Variants in NRXN2 observed in about 807,000 individuals in gnomAD.
NRXN2 encodes neurexin-2-beta.
In NRXN2, 29 loss-of-function variants were observed where a neutral mutation model predicts 128.8. The observed-to-expected ratio is 0.23, with a 90% confidence interval of 0.17 to 0.31. The LOEUF (loss-of-function observed/expected upper bound fraction) is 0.31. Among genes scored for constraint, NRXN2 ranks in the 10% least tolerant of loss-of-function variants. The pLI, the probability that NRXN2 is intolerant of heterozygous loss-of-function variation, is 1.00. For missense variants in NRXN2, 1,881 were observed against 2,452.6 expected, an observed-to-expected ratio of 0.77 and a Z score of 4.92; for synonymous variants, 1,098 against 1,075.2, an observed-to-expected ratio of 1.02 and a Z score of -0.41.
intron 22 of NRXN2, among the ~76,000 whole-genome samples, chr11:64,614,981 G>T (rs1163818240): frequency 6.6e-6 from 1 of 152,226 alleles, no homozygotes; most frequent in African/African-American, 2.4e-5. Flanking sequence ...ACGGATCCTT[G>T]ATGACCACAG....
chr11:64,647,592 G>A (rs1321959586), intron 17 of NRXN2, among the ~76,000 whole-genome samples: 1 of 152,172 alleles, frequency 6.6e-6, no homozygotes, highest in African/African-American at 2.4e-5. Context: ...AGAACCAAGC[G>A]AAGACAGTAG....
intron 17 of NRXN2, among the ~76,000 whole-genome samples, chr11:64,638,128 G>C (rs543755686): frequency 6.6e-6 from 1 of 152,166 alleles, no homozygotes; most frequent in South Asian, 2.1e-4. Context: ...GCGTGGGACA[G>C]GGCGCACGCG....
In NRXN2 at chr11:64,688,343, A is replaced by G. The variant is rs2053353397; in HGVS notation, c.850+2062T>C. On this transcript the variant is annotated intron_variant, in intron 5 of 22. Transcript: ENST00000265459. ...ACGCCAAGAGGCCTGAGGAGCAGCC[A>G]AAGAGAACCTGAAAGCCTTCGAGAA... 4.1e-6 allele frequency: 4 copies of G among 985,328 alleles called. No homozygotes were observed. The South Asian group carries it at 1.4e-4, about 35-fold the overall frequency. The allele number at this position is 985,328 out of a possible 1,614,324, so 61.0% of individuals were successfully genotyped here. A position where few individuals can be genotyped will look rare whatever the true frequency, so the allele number is the denominator to read the frequency against.
chr11:64,713,779 G>C lies in NRXN2; in HGVS notation c.-80C>G. The C allele has an allele frequency of 1.2e-6, 1 of 820,580 alleles. No homozygotes were observed. The allele number at this position is 820,580 out of a possible 1,614,324, so 50.8% of individuals were successfully genotyped here. A position where few individuals can be genotyped will look rare whatever the true frequency, so the allele number is the denominator to read the frequency against. Reference sequence around the variant, plus strand: ...CCGCGGGCGCATGGGGCGGGAGGGGGCCGGGCGCTCCCCGCGCTGAGCGGG... The same window carrying C: ...CCGCGGGCGCATGGGGCGGGAGGGGCCCGGGCGCTCCCCGCGCTGAGCGGG... On this transcript the variant is annotated 5_prime_UTR_variant, in exon 2 of 23. Coordinates refer to ENST00000265459, the MANE Select transcript of NRXN2 (RefSeq NM_015080.4).
Position 64,607,893 on chromosome 11 carries a change from C to T in NRXN2, c.4442G>A (p.Arg1481Gln), listed in dbSNP as rs573528266. ...PPSGGPCQAE[R>Q]DDSDCEEPIE... ...GGGCTCCTCGCAGTCGCTGTCGTCCCGCTCGGCCTGGCACGGGCCCCCAGA... is the reference window on the plus strand; with the variant it reads ...GGGCTCCTCGCAGTCGCTGTCGTCCTGCTCGGCCTGGCACGGGCCCCCAGA... Residue 1481 changes from arginine (R) to glutamine (Q), a missense_variant, in exon 23 of 23, where the codon CGG becomes CAG. Arg to Gln is a conservative substitution (Grantham distance 43, BLOSUM62 1). Around this residue, in one of 7 missense-constraint regions of NRXN2, gnomAD observed 310 missense variants for 318.2 expected, o/e 0.97. Transcript: ENST00000265459. The T allele has an allele frequency of 6.4e-6, 10 of 1,573,982 alleles. No homozygotes were observed. Among genetic ancestry groups the T allele is most frequent in the South Asian group, 3.5e-5 (3 of 86,166 alleles).
intron 11 of NRXN2, among the ~76,000 whole-genome samples, chr11:64,655,607 A>G (rs1264571100): frequency 2.0e-5 from 3 of 152,196 alleles, no homozygotes; most frequent in Non-Finnish European, 4.4e-5. Context: ...AAAAGACCCA[A>G]AGAAGGAGCT....
In NRXN2 at chr11:64,660,222, G is replaced by T. The variant is rs2048826513; in HGVS notation, c.2389+110C>A. 1 of 1,268,142 alleles carries T rather than the reference G, an allele frequency of 7.9e-7. No homozygotes were observed. The highest frequency in any genetic ancestry group is 1.1e-6 in the Non-Finnish European group (1 of 871,678). The allele number at this position is 1,268,142 out of a possible 1,614,324, so 78.6% of individuals were successfully genotyped here. A position where few individuals can be genotyped will look rare whatever the true frequency, so the allele number is the denominator to read the frequency against. Reference sequence around the variant, plus strand: ...TGGCGCCTCCCCACCTCCAAACTCTGCTGAGGGCACCTCTTGCTGGTGCCA... The same window carrying T: ...TGGCGCCTCCCCACCTCCAAACTCTTCTGAGGGCACCTCTTGCTGGTGCCA... On this transcript the variant is annotated intron_variant, in intron 11 of 22. Transcript: ENST00000265459. This position sits in a 1 kb window ranked among gnomAD's most constrained non-coding sequence, Gnocchi z 5.2.
intron 6 of NRXN2, among the ~76,000 whole-genome samples, chr11:64,679,971 C>A (rs1353072839): frequency 6.6e-6 from 1 of 152,130 alleles, no homozygotes; most frequent in African/African-American, 2.4e-5. Flanking sequence ...AACAGATGAG[C>A]AACAAAGGCT....
At chr11:64,681,165 G>A (rs2052216727) in intron 6 of NRXN2, among the ~76,000 whole-genome samples, 1 of 149,888 alleles carries the variant, frequency 6.7e-6, no homozygotes, top group Non-Finnish European at 1.5e-5. Context: ...TTTCCAAGAG[G>A]ACAAGAAGTA....
At position 64,669,486 on chromosome 11, in the gene NRXN2, C is replaced by T. The variant is rs1041208189; in HGVS notation, c.1198-882G>A. Among the ~76,000 whole-genome samples the T allele has an allele frequency of 5.9e-5, 9 of 152,294 alleles. No individual in the cohort carries two copies. The South Asian group carries it at 1.9e-3, about 32-fold the overall frequency. On this transcript the variant is annotated intron_variant, in intron 7 of 22. Transcript: ENST00000265459. The stretch of plus-strand genomic sequence containing the variant: ...GGGACAGGGCTAACTTAATGAATAC[C>T]TTGCCCCTGGGCTGAAAGTTCAGTA...
In NRXN2 at chr11:64,697,761, G is replaced by A. The variant is rs760006807; in HGVS notation, c.748+14C>T. On this transcript the variant is annotated intron_variant, in intron 3 of 22. Transcript: ENST00000265459. ...ACAGATCCACTACCCCAGTGACAGAGAGGCTTCACTCACCTTCCATGGGGT... is the reference window on the plus strand; with the variant it reads ...ACAGATCCACTACCCCAGTGACAGAAAGGCTTCACTCACCTTCCATGGGGT... The A allele has an allele frequency of 6.8e-6, 11 of 1,613,716 alleles. No individual in the cohort carries two copies. In the Admixed American group the frequency reaches 1.7e-4, roughly 24 times the overall value.
Position 64,667,344 on chromosome 11 carries a change from G to A in NRXN2, c.1704C>T (p.Asp568=), listed in dbSNP as rs373000376. 1.2e-6 allele frequency: 2 copies of A among 1,614,124 alleles called. No individual in the cohort carries two copies. The highest frequency in any genetic ancestry group is 2.7e-5 in the African/African-American group (2 of 74,936). Residue 568 remains aspartate (D), a synonymous_variant, in exon 9 of 23, where the codon GAC becomes GAT. Coordinates refer to ENST00000265459, the MANE Select transcript of NRXN2 (RefSeq NM_015080.4). The surrounding 1 kb of genome is among the most constrained non-coding windows in gnomAD (Gnocchi z 5.6). The part of the protein sequence containing the change: ...LLDGHLYLLL[D]MGSGGIKLRA... ...GCAGCTTGATGCCCCCAGATCCCATGTCCAGCAGAAGATAGAGGTGGCCGT... is the reference window on the plus strand; with the variant it reads ...GCAGCTTGATGCCCCCAGATCCCATATCCAGCAGAAGATAGAGGTGGCCGT...
At chr11:64,614,732 C>T (rs7929296) in intron 22 of NRXN2, among the ~76,000 whole-genome samples, 34,686 of 152,194 alleles carry the variant, frequency 0.23, 4,233 homozygotes, top group East Asian at 0.48. Context: ...TGCCCCACAC[C>T]ACAGTATGCT....
intron 22 of NRXN2, among the ~76,000 whole-genome samples, chr11:64,613,397 C>T (rs539180074): frequency 4.6e-5 from 7 of 152,362 alleles, no homozygotes; most frequent in African/African-American, 1.4e-4. Flanking sequence ...CCCCAGGGAA[C>T]GCGTCCTTCA....
At chr11:64,634,913 G>A (rs2044474424) in intron 18 of NRXN2, among the ~76,000 whole-genome samples, 1 of 152,182 alleles carries the variant, frequency 6.6e-6, no homozygotes. Context: ...AGCAGCCCAG[G>A]GGAAGTCACA....
At chr11:64,643,157 CG>C in intron 17 of NRXN2, 1 of 908,000 alleles carries the variant, frequency 1.1e-6, no homozygotes, top group Non-Finnish European at 1.3e-6. Flanking sequence ...GAGGGGAGCG[CG>C]GGGGCCAAGC....
intron 2 of NRXN2, among the ~76,000 whole-genome samples, chr11:64,707,074 T>C (rs565134751): frequency 2.2e-4 from 33 of 151,456 alleles, no homozygotes; most frequent in South Asian, 4.2e-4. Context: ...TGTATCACCA[T>C]TTTATACATA....
intron 9 of NRXN2, among the ~76,000 whole-genome samples, chr11:64,663,586 C>T (rs1018048086): frequency 2.6e-5 from 4 of 152,134 alleles, no homozygotes; most frequent in African/African-American, 9.7e-5. Context: ...TTCCCCCATG[C>T]CTGCTCTGCC....
At chr11:64,664,414 G>A (rs1358598110) in intron 9 of NRXN2, among the ~76,000 whole-genome samples, 4 of 150,050 alleles carry the variant, frequency 2.7e-5, no homozygotes, top group South Asian at 4.2e-4. Context: ...GGAGGCAGAG[G>A]TTGCAGTGAG....
Sources: gnomAD v4.1 joint callset for allele counts (sites outside exome capture counted in the v4.1 genomes callset) on GRCh38, gnomAD v4.1.1 for gene constraint, gnomAD v4.1.1 regional missense constraint, Gnocchi (gnomAD v3.1) non-coding constraint, MANE v1.5 for transcripts, NCBI Gene and HGNC (gene_info 2026-07-23, HGNC 2026-07-21) for gene names.